THSD4: variants seen among roughly 807,000 people sequenced by gnomAD.
THSD4 encodes thrombospondin type 1 domain containing 4.
A neutral mutation model predicts 119.0 loss-of-function variants in THSD4; 69 were observed. That is an observed-to-expected ratio of 0.58 (90% CI 0.48 to 0.71). The LOEUF (loss-of-function observed/expected upper bound fraction) is 0.71, where lower values mean the gene tolerates loss of function less well. Among genes scored for constraint, THSD4 ranks in the 30% least tolerant of loss-of-function variants. The pLI, the probability that THSD4 is intolerant of heterozygous loss-of-function variation, is 0.00. For synonymous variants in THSD4, 524 were observed against 540.4 expected, an observed-to-expected ratio of 0.97 and a Z score of 0.42; for missense variants, 1,393 against 1,391.1, an observed-to-expected ratio of 1.00 and a Z score of -0.02.
At chr15:71,541,165 A>G (rs2048754822) in intron 7 of THSD4, among the ~76,000 whole-genome samples, 2 of 152,256 alleles carry the variant, frequency 1.3e-5, no homozygotes, top group Admixed American at 1.3e-4. Flanking sequence ...AACAAGTGAA[A>G]TTAATTTTAA....
chr15:71,636,358 G>A (rs2050739700), intron 7 of THSD4, among the ~76,000 whole-genome samples: 2 of 152,142 alleles, frequency 1.3e-5, no homozygotes, highest in Non-Finnish European at 2.9e-5. Context: ...GGGAGGCAGA[G>A]GTTGCAGTGA....
intron 7 of THSD4, among the ~76,000 whole-genome samples, chr15:71,495,016 C>A (rs1408310706): frequency 6.6e-6 from 1 of 152,184 alleles, no homozygotes; most frequent in Non-Finnish European, 1.5e-5. Flanking sequence ...TACAGCTGAC[C>A]TGGCTCAGGC....
intron 6 of THSD4, among the ~76,000 whole-genome samples, chr15:71,394,888 CA>C (rs1393928514): frequency 1.3e-5 from 2 of 152,220 alleles, no homozygotes; most frequent in Admixed American, 1.3e-4. Flanking sequence ...CGCTTCTACT[CA>C]GCACTAGACA....
At chr15:71,157,631 C>T (rs1358434886) in intron 3 of THSD4, among the ~76,000 whole-genome samples, 2 of 151,540 alleles carry the variant, frequency 1.3e-5, no homozygotes, top group African/African-American at 2.4e-5. Context: ...CCCCTCTTCT[C>T]CTCAGTCTCT....
intron 10 of THSD4, among the ~76,000 whole-genome samples, chr15:71,736,277 C>G (rs2053103489): frequency 6.6e-6 from 1 of 151,740 alleles, no homozygotes; most frequent in African/African-American, 2.4e-5. Context: ...GTCTCACACT[C>G]TGTCTCTCTC....
chr15:71,232,010 G>A (rs1278696098), intron 4 of THSD4, among the ~76,000 whole-genome samples: 1 of 152,168 alleles, frequency 6.6e-6, no homozygotes, highest in Non-Finnish European at 1.5e-5. Context: ...TAGGAAAACA[G>A]GGCTCTCTTT....
intron 2 of THSD4, among the ~76,000 whole-genome samples, chr15:71,149,651 T>C (rs1255275229): frequency 6.6e-6 from 1 of 152,230 alleles, no homozygotes; most frequent in Non-Finnish European, 1.5e-5. Context: ...ATTAGTGATC[T>C]GGTTGCTCCC....
Position 71,516,676 on chromosome 15 carries a change from ATTAT to A in THSD4, c.1152+104856_1152+104859del, listed in dbSNP as rs201567699. On this transcript the variant is annotated intron_variant, in intron 7 of 17. Coordinates refer to ENST00000261862, the MANE Select transcript of THSD4 (RefSeq NM_024817.3). ...GTGTGCCACCTGTACCATTATTTACATTATTTGTTTTCAGACAAATTACAATTTC... is the reference window on the plus strand; with the variant it reads ...GTGTGCCACCTGTACCATTATTTACATTGTTTTCAGACAAATTACAATTTC... Among the ~76,000 whole-genome samples, 1,214 of 152,314 alleles carry A rather than the reference ATTAT, an allele frequency of 8.0e-3. 19 individuals are homozygous for A. Among genetic ancestry groups the A allele is most frequent in the African/African-American group, 0.028 (1,144 of 41,568 alleles).
chr15:71,121,060 C>T (rs583711), intron 1 of THSD4, among the ~76,000 whole-genome samples: 150,302 of 152,322 alleles, frequency 0.99, 74,195 homozygotes, highest in East Asian at 1. Context: ...AACCCTCCGA[C>T]CATATCAGCA....
chr15:71,242,212 G>T (rs1046441493), intron 4 of THSD4, among the ~76,000 whole-genome samples: 1 of 151,982 alleles, frequency 6.6e-6, no homozygotes, highest in African/African-American at 2.4e-5. Flanking sequence ...AGTTGAAGGA[G>T]CAAAAAATAC....
chr15:71,273,486 G>A (rs182255962), intron 6 of THSD4, among the ~76,000 whole-genome samples: 2 of 152,242 alleles, frequency 1.3e-5, no homozygotes, highest in African/African-American at 4.8e-5. Context: ...GCACAGCAAG[G>A]TGACTATAAT....
intron 7 of THSD4, among the ~76,000 whole-genome samples, chr15:71,430,731 T>TGGATG (rs1320121668): frequency 5.0e-5 from 6 of 120,788 alleles, no homozygotes; most frequent in Non-Finnish European, 9.6e-5. Context: ...CACTCCAGCC[T>TGGATG]GGATGGCAGA....
chr15:71,632,669 T>G (rs528228199), intron 7 of THSD4, among the ~76,000 whole-genome samples: 41 of 152,346 alleles, frequency 2.7e-4, no homozygotes, highest in Non-Finnish European at 5.9e-5. Flanking sequence ...GTGTTGCACA[T>G]TTTTGTGTGT....
chr15:71,440,134 A>T, intron 7 of THSD4, among the ~76,000 whole-genome samples: 1 of 152,166 alleles, frequency 6.6e-6, no homozygotes, highest in African/African-American at 2.4e-5. Context: ...TAAGGAAGGG[A>T]GATCAGTGAC....
intron 1 of THSD4, among the ~76,000 whole-genome samples, chr15:71,127,042 CCTGT>C (rs763700613): frequency 3.3e-5 from 5 of 152,200 alleles, no homozygotes; most frequent in Non-Finnish European, 7.3e-5. Flanking sequence ...GCTTATTCCT[CCTGT>C]CTGAGTCTCT....
chr15:71,239,318 G>C (rs2044132438), intron 4 of THSD4, among the ~76,000 whole-genome samples: 1 of 152,154 alleles, frequency 6.6e-6, no homozygotes, highest in African/African-American at 2.4e-5. Flanking sequence ...CCACGACCCT[G>C]ACTGTTATCT....
chr15:71,706,652 C>T (rs1288681677), intron 8 of THSD4, among the ~76,000 whole-genome samples: 1 of 152,132 alleles, frequency 6.6e-6, no homozygotes, highest in African/African-American at 2.4e-5. Context: ...TTGGAGAATG[C>T]AATGCCCTGG....
chr15:71,455,367 A>G (rs2047324853), intron 7 of THSD4, among the ~76,000 whole-genome samples: 1 of 152,186 alleles, frequency 6.6e-6, no homozygotes, highest in South Asian at 2.1e-4. Flanking sequence ...TGAGAAGCCT[A>G]TAATTTTCGC....
intron 7 of THSD4, among the ~76,000 whole-genome samples, chr15:71,558,202 T>C (rs188256194): frequency 6.6e-6 from 1 of 152,156 alleles, no homozygotes; most frequent in East Asian, 1.9e-4. Context: ...GTGGCTGGCA[T>C]CTGTAGTCCC....
Sources: gnomAD v4.1 joint callset for allele counts (sites outside exome capture counted in the v4.1 genomes callset) on GRCh38, gnomAD v4.1.1 for gene constraint, MANE v1.5 for transcripts, NCBI Gene and HGNC (gene_info 2026-07-23, HGNC 2026-07-21) for gene names.